The following THOC2 variants were observed in gnomAD, a reference collection of about 807,000 sequenced individuals.
THOC2 encodes THO complex subunit 2.
Under a neutral mutation model 128.4 loss-of-function variants are expected in THOC2, and 10 were observed. That is an observed-to-expected ratio of 0.08 (90% CI 0.05 to 0.13). THOC2 has a LOEUF of 0.13. THOC2 is among the 10% of genes least tolerant of loss of function. The pLI is 1.00. For synonymous variants in THOC2, 393 were observed against 396.9 expected (o/e 0.99, Z 0.12); for missense variants, 535 against 1,155.7 (o/e 0.46, Z 7.79).
Position 123,623,090 on chromosome X carries a change from T to C in THOC2, c.3682+15A>G, listed in dbSNP as rs761656438. The C allele has an allele frequency of 8.8e-5, 103 of 1,174,084 alleles. No individual in the cohort carries two copies. The highest frequency in any genetic ancestry group is 1.1e-4 in the Non-Finnish European group (99 of 875,791). ...ATAAAATATATTACTTATAAGTTTCTACAAATAAGCATACCAGTCTCCTCA... is the reference window on the plus strand; with the variant it reads ...ATAAAATATATTACTTATAAGTTTCCACAAATAAGCATACCAGTCTCCTCA... On this transcript the variant is annotated intron_variant, in intron 29 of 38. Transcript: ENST00000245838.
intron 18 of THOC2, among the ~76,000 whole-genome samples, chrX:123,637,649 A>G (rs2047726746): frequency 9.0e-6 from 1 of 110,932 alleles, no homozygotes; most frequent in Non-Finnish European, 1.9e-5. Context: ...AATCCCAGCT[A>G]CTCGGGAGGC....
At chrX:123,658,905 T>C (rs1178792040) in intron 12 of THOC2, among the ~76,000 whole-genome samples, 3 of 111,965 alleles carry the variant, frequency 2.7e-5, no homozygotes, top group African/African-American at 9.7e-5. Context: ...TGTGCACATA[T>C]GGGAACAGGG....
chrX:123,714,565 T>A (rs1399132609), intron 1 of THOC2, among the ~76,000 whole-genome samples: 1 of 111,873 alleles, frequency 8.9e-6, no homozygotes, highest in Non-Finnish European at 1.9e-5. Context: ...TTCCATAGAA[T>A]ACCCAGACAA....
At chrX:123,712,713 CTATAA>C (rs949192299) in intron 2 of THOC2, 132 bp downstream of exon 2, 5 of 395,077 alleles carry the variant, frequency 1.3e-5, no homozygotes, top group Admixed American at 5.3e-5. Context: ...TTAATCCTGA[CTATAA>C]TATAACCATG....
chrX:123,719,253 A>G lies in THOC2; in HGVS notation c.72-6345T>C, dbSNP rs574676884. ...AAAGGACTTGAGTAGACATTTCTCA[A>G]AAGACATACAAATGACCAACAGAAA... On this transcript the variant is annotated intron_variant, in intron 1 of 38. Transcript: ENST00000245838. Among the ~76,000 whole-genome samples, 105 of 111,156 alleles carry G rather than the reference A, an allele frequency of 9.4e-4. 3 individuals carry two copies. The South Asian group carries it at 0.038, about 41-fold the overall frequency.
intron 7 of THOC2, among the ~76,000 whole-genome samples, chrX:123,688,432 TAAC>T (rs1451836244): frequency 8.9e-6 from 1 of 111,876 alleles, no homozygotes; most frequent in Non-Finnish European, 1.9e-5. Flanking sequence ...TAATCTACAG[TAAC>T]AAAAAGCAGA....
intron 21 of THOC2, 33 bp from the exon 22 acceptor site, chrX:123,631,885 T>A: frequency 8.8e-7 from 1 of 1,134,455 alleles, no homozygotes; most frequent in Non-Finnish European, 1.2e-6. Flanking sequence ...AATCAACATA[T>A]TTTCCAAAGT....
At chrX:123,716,042 C>T (rs1477800561) in intron 1 of THOC2, among the ~76,000 whole-genome samples, 2 of 111,097 alleles carry the variant, frequency 1.8e-5, no homozygotes, top group Non-Finnish European at 3.8e-5. Context: ...AGGTCAATGC[C>T]TCTTATAAAC....
rs762519373 is a variant in THOC2, at chrX:123,619,588, TA to T, written c.4276-153del. 1.3e-3 allele frequency: 653 copies of T among 488,680 alleles called. 3 individuals are homozygous for T. The highest frequency in any genetic ancestry group is 0.011 in the African/African-American group (456 of 39,901). 40.3% of individuals were successfully genotyped at this position (488,680 alleles called of 1,213,427 possible). ...TCATTATCAATATGAATATCAACAATAAAAAAAAACATGTAATGGAATTGGA... is the reference window on the plus strand; with the variant it reads ...TCATTATCAATATGAATATCAACAATAAAAAAAACATGTAATGGAATTGGA... On this transcript the variant is annotated intron_variant, in intron 32 of 38. Transcript: ENST00000245838.
chrX:123,665,107 C>G (rs1466619519), intron 12 of THOC2, among the ~76,000 whole-genome samples: 2 of 111,571 alleles, frequency 1.8e-5, no homozygotes. Flanking sequence ...TACAGTTATG[C>G]ACCATTTAAC....
chrX:123,688,018 T>A lies in THOC2; in HGVS notation c.602-1304A>T, dbSNP rs771215771. Among the ~76,000 whole-genome samples, 6 of 112,545 alleles carry A rather than the reference T, an allele frequency of 5.3e-5. No individual in the cohort carries two copies. In the East Asian group the frequency reaches 1.4e-3, roughly 26 times the overall value. ...AGCAATTAAGATCCTTAAATGCTGC[T>A]GATGGCAATGTAAAATGGTACAACC... On this transcript the variant is annotated intron_variant, in intron 7 of 38. Transcript: ENST00000245838.
chrX:123,676,675 C>T (rs776476791), intron 8 of THOC2, among the ~76,000 whole-genome samples: 7 of 111,499 alleles, frequency 6.3e-5, no homozygotes, highest in Admixed American at 1.9e-4. Context: ...GTCTACTGCC[C>T]TTCATTTTGC....
At chrX:123,618,315 T>A (rs976764216) in intron 33 of THOC2, among the ~76,000 whole-genome samples, 12 of 111,742 alleles carry the variant, frequency 1.1e-4, no homozygotes, top group African/African-American at 3.9e-4. Flanking sequence ...AAATGGAACT[T>A]CTCCCAGCAT....
At chrX:123,687,160 T>G (rs1308004798) in intron 7 of THOC2, among the ~76,000 whole-genome samples, 3 of 112,188 alleles carry the variant, frequency 2.7e-5, no homozygotes, top group Non-Finnish European at 5.6e-5. Flanking sequence ...TGATAAACAG[T>G]TAAAAGTCCG....
At chrX:123,723,193 A>C (rs927310885) in intron 1 of THOC2, among the ~76,000 whole-genome samples, 4 of 111,616 alleles carry the variant, frequency 3.6e-5, no homozygotes, top group African/African-American at 9.8e-5. Flanking sequence ...AACAAACAAA[A>C]AAAAAGAAGT....
chrX:123,723,200 A>T (rs757231819), intron 1 of THOC2, among the ~76,000 whole-genome samples: 22 of 111,492 alleles, frequency 2.0e-4, no homozygotes, highest in Non-Finnish European at 4.1e-4. Context: ...AAAAAAAAAG[A>T]AGTACTCCAA....
intron 10 of THOC2, 47 bp downstream of exon 10, chrX:123,668,112 T>C: frequency 1.0e-6 from 1 of 974,792 alleles, no homozygotes. Context: ...ATTTCATAAT[T>C]CAAAATCCAG....
Position 123,624,526 on chromosome X carries a change from T to C in THOC2, c.3186+15A>G. 2 of 1,200,865 alleles carry C rather than the reference T, an allele frequency of 1.7e-6. No individual in the cohort carries two copies. The highest frequency in any genetic ancestry group is 2.2e-6 in the Non-Finnish European group (2 of 889,898). ...ATATACATGGGTAAAATATAAGGGT[T>C]TTTATTAGTCATACCTTTTCATATG... is the stretch of plus-strand genomic sequence containing the variant. On this transcript the variant is annotated intron_variant, in intron 26 of 38. Transcript: ENST00000245838.
chrX:123,637,121 T>C (rs763422150), intron 18 of THOC2, among the ~76,000 whole-genome samples: 6 of 111,381 alleles, frequency 5.4e-5, no homozygotes, highest in Non-Finnish European at 1.1e-4. Context: ...AGTTCAGTAT[T>C]AATGGAATCT....
Sources: gnomAD v4.1 joint callset for allele counts (sites outside exome capture counted in the v4.1 genomes callset) on GRCh38, gnomAD v4.1.1 for gene constraint, MANE v1.5 for transcripts, NCBI Gene and HGNC (gene_info 2026-07-23, HGNC 2026-07-21) for gene names.